Variants in YIPF7 observed in about 807,000 individuals in gnomAD.
YIPF7 encodes Yip1 domain family member 7, also known as protein YIPF7.
In YIPF7, 35 loss-of-function variants were observed where a neutral mutation model predicts 27.2. The ratio of observed to expected loss-of-function variants is 1.29; its 90% CI spans 0.98 to 1.70. The LOEUF is 1.70. Ranked by LOEUF, YIPF7 falls within the 40% of genes most tolerant of loss-of-function variation. The pLI is 0.00. For synonymous variants in YIPF7, 137 were observed against 110.4 expected, an observed-to-expected ratio of 1.24 and a Z score of -1.51; for missense variants, 358 against 303.7, an observed-to-expected ratio of 1.18 and a Z score of -1.33.
chr4:44,647,743 C>T (rs562771368), intron 2 of YIPF7, among the ~76,000 whole-genome samples: 4 of 152,100 alleles, frequency 2.6e-5, no homozygotes, highest in Non-Finnish European at 5.9e-5. Context: ...ATGAAAGCAG[C>T]ATCTATTTGC....
rs112009283 is a variant in YIPF7, at chr4:44,624,153, C to T, written c.608+448G>A. Among the ~76,000 whole-genome samples the T allele has an allele frequency of 4.2e-3, 632 of 151,546 alleles. 4 individuals are homozygous for T. The highest frequency in any genetic ancestry group is 4.8e-3 in the Non-Finnish European group (325 of 67,886). ...CGATCTCGGCTCACTGCAACCTCCG[C>T]CTCTGGGTTCAAGCGATTCTCCTGC... On this transcript the variant is annotated intron_variant, in intron 5 of 5. Coordinates refer to ENST00000415895, the MANE Select transcript of YIPF7 (RefSeq NM_182592.3).
rs150388242 is a variant in YIPF7, at chr4:44,631,367, G to A, written c.281-1819C>T. Among the ~76,000 whole-genome samples the A allele has an allele frequency of 1.3e-3, 193 of 152,226 alleles. 1 individual carries two copies. Among genetic ancestry groups the A allele is most frequent in the African/African-American group, 4.4e-3 (183 of 41,554 alleles). ...TAGTAACCCTGTTTGGTCAGATACA[G>A]GGGTATAGCTCAACTTATTTTACAG... On this transcript the variant is annotated intron_variant, in intron 3 of 5. Transcript: ENST00000415895.
At chr4:44,641,687 G>C (rs534423387) in intron 2 of YIPF7, among the ~76,000 whole-genome samples, 62 of 152,256 alleles carry the variant, frequency 4.1e-4, no homozygotes, top group Admixed American at 1.1e-3. Context: ...ATGTGAGTAA[G>C]CCTGACCAAG....
At chr4:44,642,255 A>G (rs948738299) in intron 2 of YIPF7, among the ~76,000 whole-genome samples, 2 of 152,174 alleles carry the variant, frequency 1.3e-5, no homozygotes, top group African/African-American at 4.8e-5. Flanking sequence ...AATTCTCAGG[A>G]GCTTGGATTC....
intron 5 of YIPF7, among the ~76,000 whole-genome samples, chr4:44,624,294 C>G (rs1343031209): frequency 6.6e-6 from 1 of 151,970 alleles, no homozygotes. Context: ...GAACTCCCGA[C>G]CTCAGGTGAT....
At chr4:44,640,713 G>A (rs1713294927) in intron 2 of YIPF7, among the ~76,000 whole-genome samples, 1 of 152,116 alleles carries the variant, frequency 6.6e-6, no homozygotes, top group South Asian at 2.1e-4. Flanking sequence ...AGCCTTCATG[G>A]CAACTCTCAT....
chr4:44,653,717 T>C (rs942139838), upstream of YIPF7, among the ~76,000 whole-genome samples: 2 of 152,126 alleles, frequency 1.3e-5, no homozygotes, highest in African/African-American at 4.8e-5. Flanking sequence ...TAGTGCATAA[T>C]GCCATAGGAA....
chr4:44,625,902 C>G (rs1162617318), intron 4 of YIPF7, among the ~76,000 whole-genome samples: 2 of 152,110 alleles, frequency 1.3e-5, no homozygotes, highest in Non-Finnish European at 2.9e-5. Flanking sequence ...TAGGCTGTCT[C>G]TGGTTTTCAT....
chr4:44,660,129 A>AAAAAAAAAAAC (rs1714007949), intron 2 of YIPF7, among the ~76,000 whole-genome samples: 1 of 147,074 alleles, frequency 6.8e-6, no homozygotes, highest in Non-Finnish European at 1.5e-5. Context: ...AAAAAAAAAA[A>AAAAAAAAAAAC]AAAAAAACGA....
At chr4:44,639,381 G>C (rs563300892) in intron 2 of YIPF7, among the ~76,000 whole-genome samples, 7 of 151,970 alleles carry the variant, frequency 4.6e-5, no homozygotes, top group Non-Finnish European at 1.0e-4. Flanking sequence ...ATCATTGTTT[G>C]TCATTTTCCT....
intron 2 of YIPF7, among the ~76,000 whole-genome samples, chr4:44,649,511 T>C: frequency 6.6e-6 from 1 of 152,028 alleles, no homozygotes; most frequent in Non-Finnish European, 1.5e-5. Context: ...TTGTTAATGC[T>C]TATAATCCAA....
Position 44,636,011 on chromosome 4 carries a change from C to A in YIPF7, c.191G>T (p.Gly64Val). ...GTTGGATGCTGGCTGAAAAAATTGT[C>A]CTGCGTAACCCGATGACATGAGCAT... ...SEMLMSSGYA[G>V]QFFQPASNSD... Residue 64 changes from glycine to valine, a missense_variant, in exon 3 of 6, where the codon GGA (glycine) becomes GTA (valine). Physicochemically the swap from Gly to Val is moderately radical, Grantham distance 109. Coordinates refer to ENST00000415895, the MANE Select transcript of YIPF7 (RefSeq NM_182592.3). 6.2e-7 allele frequency: 1 copy of A among 1,613,776 alleles called. No individual in the cohort carries two copies. The highest frequency in any genetic ancestry group is 8.5e-7 in the Non-Finnish European group (1 of 1,179,810).
At chr4:44,654,667 C>T (rs1446244893), upstream of YIPF7, among the ~76,000 whole-genome samples, 1 of 151,900 alleles carries the variant, frequency 6.6e-6, no homozygotes. Flanking sequence ...AAAGTCTTTA[C>T]CCTTCCCAAC....
chr4:44,653,912 C>T (rs1172506464), upstream of YIPF7, among the ~76,000 whole-genome samples: 1 of 151,934 alleles, frequency 6.6e-6, no homozygotes, highest in East Asian at 1.9e-4. Context: ...TTATCTTAGT[C>T]CATTTAGGTA....
At chr4:44,646,053 T>C (rs184545982) in intron 2 of YIPF7, among the ~76,000 whole-genome samples, 26 of 152,278 alleles carry the variant, frequency 1.7e-4, no homozygotes, top group Admixed American at 1.2e-3. Flanking sequence ...TATCTTATAG[T>C]TTTCTAAAAG....
intron 3 of YIPF7, among the ~76,000 whole-genome samples, chr4:44,632,311 A>T (rs1712933962): frequency 6.6e-6 from 1 of 152,328 alleles, no homozygotes; most frequent in Admixed American, 6.5e-5. Flanking sequence ...GTGGTAGTAA[A>T]GTATATGATA....
At chr4:44,631,755 G>A (rs1026632797) in intron 3 of YIPF7, among the ~76,000 whole-genome samples, 2 of 152,022 alleles carry the variant, frequency 1.3e-5, no homozygotes, top group Non-Finnish European at 2.9e-5. Flanking sequence ...AATGTCTAAC[G>A]TAATTTTTGA....
chr4:44,650,258 A>G (rs1306234128), intron 1 of YIPF7, among the ~76,000 whole-genome samples, 157 bp from the exon 2 acceptor site: 6 of 152,224 alleles, frequency 3.9e-5, no homozygotes, highest in Non-Finnish European at 7.3e-5. Flanking sequence ...GGGGAAGGGT[A>G]TAGAAATATA....
chr4:44,641,047 G>A (rs751040721), intron 2 of YIPF7, among the ~76,000 whole-genome samples: 3 of 152,040 alleles, frequency 2.0e-5, no homozygotes, highest in Non-Finnish European at 2.9e-5. Flanking sequence ...GGGTTTGAGA[G>A]AGTCAAGGTG....
Sources: allele counts gnomAD v4.1 joint callset (sites outside exome capture counted in the v4.1 genomes callset), GRCh38; gene constraint gnomAD v4.1.1; transcripts MANE v1.5; gene names NCBI Gene and HGNC (gene_info 2026-07-23, HGNC 2026-07-21).